Variants in FMN2 observed in about 807,000 individuals in gnomAD.
FMN2 encodes the protein formin 2.
A neutral mutation model predicts 142.3 loss-of-function variants in FMN2; 51 were observed. That is an observed-to-expected ratio of 0.36 (90% confidence interval 0.29 to 0.45). FMN2 has a LOEUF of 0.45. Ranked by LOEUF, FMN2 falls within the 20% of genes least tolerant of loss-of-function variation. The probability of loss-of-function intolerance (pLI) is 1.00; values close to 1 mark genes in which losing one functional copy is unlikely to be tolerated. For missense variants in FMN2, 1,936 were observed against 2,122.8 expected (o/e 0.91, Z 1.73); for synonymous variants, 882 against 869.8 (o/e 1.01, Z -0.25).
intron 16 of FMN2, among the ~76,000 whole-genome samples, chr1:240,468,508 T>A (rs1035698689): frequency 2.0e-5 from 3 of 152,160 alleles, no homozygotes; most frequent in African/African-American, 7.2e-5. Context: ...TCCCTCTTCA[T>A]GGTGATTGCG....
chr1:240,445,530 A>G (rs757312574), intron 16 of FMN2, among the ~76,000 whole-genome samples: 5 of 152,156 alleles, frequency 3.3e-5, no homozygotes, highest in Non-Finnish European at 7.4e-5. Flanking sequence ...CATTCCGGGT[A>G]GATGGTAAGG....
chr1:240,187,580 A>G (rs1159429146), intron 3 of FMN2, among the ~76,000 whole-genome samples: 1 of 152,148 alleles, frequency 6.6e-6, no homozygotes, highest in Non-Finnish European at 1.5e-5. Context: ...AAATTTGCAC[A>G]CAAGCTTCAC....
At chr1:240,209,449 T>A (rs1666594669) in intron 5 of FMN2, among the ~76,000 whole-genome samples, 1 of 149,968 alleles carries the variant, frequency 6.7e-6, no homozygotes, top group African/African-American at 2.4e-5. Context: ...GAGACGGGGT[T>A]TCACCGTGTT....
At chr1:240,141,940 T>C (rs1480985428) in intron 2 of FMN2, among the ~76,000 whole-genome samples, 1 of 152,108 alleles carries the variant, frequency 6.6e-6, no homozygotes, top group East Asian at 1.9e-4. Flanking sequence ...AAATCTGAAT[T>C]GGAACCACAA....
chr1:240,457,899 A>G (rs1360930), intron 16 of FMN2: 115,820 of 152,166 alleles, frequency 0.76, 44,160 homozygotes, highest in Middle Eastern at 0.83. Context: ...AGGAAGAACC[A>G]TGCACACTAC....
rs781199426 is a variant in FMN2, at chr1:240,211,071, G to A, written c.3921-20G>A. 1.3e-6 allele frequency: 2 copies of A among 1,583,198 alleles called. No homozygotes were observed. Among genetic ancestry groups the A allele is most frequent in the Non-Finnish European group, 1.7e-6 (2 of 1,168,494 alleles). On this transcript the variant is annotated intron_variant, in intron 5 of 17. Coordinates refer to ENST00000319653, the MANE Select transcript of FMN2 (RefSeq NM_020066.5). ...AGTTCAGTTTGATGGCTGTTTTATT[G>A]TTCTTTTGCTTAATTTTAGAGACTC... is the stretch of plus-strand genomic sequence containing the variant.
chr1:240,229,699 G>GTTCTAGTTTAAAAGCAAATTATACCAT (rs780921482), intron 6 of FMN2, among the ~76,000 whole-genome samples: 8 of 135,932 alleles, frequency 5.9e-5, no homozygotes, highest in African/African-American at 1.8e-4. Context: ...AGACTGGAGT[G>GTTCTAGTTTAAAAGCAAATTATACCAT]CCAGTGGCAT....
chr1:240,143,275 G>C (rs576304746), intron 2 of FMN2: 2 of 1,553,044 alleles, frequency 1.3e-6, no homozygotes, highest in African/African-American at 1.4e-5. Flanking sequence ...AGGGTATCCA[G>C]GATGTTGATT....
intron 8 of FMN2, among the ~76,000 whole-genome samples, chr1:240,304,669 GCTT>G (rs778838333): frequency 5.9e-5 from 9 of 152,190 alleles, no homozygotes; most frequent in Non-Finnish European, 1.0e-4. Flanking sequence ...ATGGCCTCCT[GCTT>G]CTTTGTTTGC....
chr1:240,100,823 A>T (rs538631388), intron 1 of FMN2, among the ~76,000 whole-genome samples: 4 of 152,312 alleles, frequency 2.6e-5, no homozygotes, highest in Admixed American at 6.5e-5. Flanking sequence ...AAACAGTCCT[A>T]TTGTTTTCAG....
At chr1:240,380,528 G>A (rs1673188614) in intron 14 of FMN2, among the ~76,000 whole-genome samples, 1 of 151,944 alleles carries the variant, frequency 6.6e-6, no homozygotes, top group South Asian at 2.1e-4. Context: ...TAAACTAGTG[G>A]GAAAATATTT....
At chr1:240,121,791 G>C (rs1393801415) in intron 1 of FMN2, among the ~76,000 whole-genome samples, 1 of 128,938 alleles carries the variant, frequency 7.8e-6, no homozygotes, top group Non-Finnish European at 1.6e-5. Context: ...ACCTATGCTA[G>C]AGTTATATTT....
At chr1:240,125,779 C>T (rs1228461713) in intron 2 of FMN2, among the ~76,000 whole-genome samples, 1 of 152,144 alleles carries the variant, frequency 6.6e-6, no homozygotes, top group Non-Finnish European at 1.5e-5. Context: ...CTCACTCCAT[C>T]CTTGTGTTAG....
chr1:240,406,548 G>T lies in FMN2; in HGVS notation c.4910+13986G>T, dbSNP rs138719498. On this transcript the variant is annotated intron_variant, in intron 15 of 17. Coordinates refer to ENST00000319653, the MANE Select transcript of FMN2 (RefSeq NM_020066.5). ...CTTTGGGGAAGTTATTGAAACTTCT[G>T]TATCTCCATTTTCTTGTTTCTAAAA... Among the ~76,000 whole-genome samples the T allele has an allele frequency of 7.0e-3, 1,066 of 152,276 alleles. 16 individuals carry two copies. Among genetic ancestry groups the T allele is most frequent in the African/African-American group, 0.024 (992 of 41,564 alleles).
intron 14 of FMN2, among the ~76,000 whole-genome samples, chr1:240,390,921 G>T (rs1673582951): frequency 6.6e-6 from 1 of 152,148 alleles, no homozygotes; most frequent in Non-Finnish European, 1.5e-5. Context: ...AGATATGTGA[G>T]GGCAACTGAA....
intron 1 of FMN2, among the ~76,000 whole-genome samples, chr1:240,100,328 C>T (rs2103174171): frequency 6.6e-6 from 1 of 152,260 alleles, no homozygotes; most frequent in South Asian, 2.1e-4. Flanking sequence ...CTGTTCATTC[C>T]TGTTTTGTAT....
In FMN2 at chr1:240,208,570, C is replaced by A. The variant is rs767267240; in HGVS notation, c.3758C>A (p.Thr1253Asn). 1.2e-6 allele frequency: 2 copies of A among 1,613,586 alleles called. No individual in the cohort carries two copies. The highest frequency in any genetic ancestry group is 2.2e-5 in the South Asian group (2 of 91,052). Residue 1253 changes from threonine (T) to asparagine (N), a missense_variant, in exon 5 of 18, where the codon ACT becomes AAT. Coordinates refer to ENST00000319653, the MANE Select transcript of FMN2 (RefSeq NM_020066.5). ...CTCCTCCCACAAGTTGGGAGTAGCA[C>A]TTTACCAACCCCACAGGTGTGTGGA... ...PPLLPQVGSS[T>N]LPTPQVCGFL...
At chr1:240,243,129 C>T (rs180708577) in intron 6 of FMN2, among the ~76,000 whole-genome samples, 83 of 149,986 alleles carry the variant, frequency 5.5e-4, no homozygotes, top group Admixed American at 5.3e-4. Flanking sequence ...GGGAGTAGAC[C>T]GAAAAAAAAA....
chr1:240,405,224 C>A (rs756498597), intron 15 of FMN2, among the ~76,000 whole-genome samples: 1 of 151,854 alleles, frequency 6.6e-6, no homozygotes, highest in Non-Finnish European at 1.5e-5. Flanking sequence ...CTGGAGAGGG[C>A]GAAGATAATA....
Sources: allele counts gnomAD v4.1 joint callset (sites outside exome capture counted in the v4.1 genomes callset), GRCh38; gene constraint gnomAD v4.1.1; transcripts MANE v1.5; gene names NCBI Gene and HGNC (gene_info 2026-07-23, HGNC 2026-07-21).